Variants in DTNA observed in about 807,000 individuals in gnomAD.
DTNA encodes the protein dystrobrevin alpha, also known as dystrophin-related protein 3.
In DTNA, 43 loss-of-function variants were observed where a neutral mutation model predicts 100.7. The ratio of observed to expected loss-of-function variants is 0.43; its 90% CI spans 0.33 to 0.55. The LOEUF (loss-of-function observed/expected upper bound fraction) is 0.55, where lower values mean the gene tolerates loss of function less well. Ranked by LOEUF, DTNA falls within the 20% of genes least tolerant of loss-of-function variation. The pLI is 0.04. For synonymous variants in DTNA, 349 were observed against 347.9 expected (o/e 1.00, Z -0.04); for missense variants, 798 against 953.9 (o/e 0.84, Z 2.15).
intron 1 of DTNA, among the ~76,000 whole-genome samples, chr18:34,686,225 A>G (rs1450593402): frequency 6.6e-6 from 1 of 152,126 alleles, no homozygotes; most frequent in East Asian, 1.9e-4. Flanking sequence ...CTGGTTTTCA[A>G]AGGGAATGCT....
intron 1 of DTNA, among the ~76,000 whole-genome samples, chr18:34,716,277 G>T (rs1186849287): frequency 1.3e-5 from 2 of 152,118 alleles, no homozygotes; most frequent in African/African-American, 4.8e-5. Context: ...GCTGTAAGAA[G>T]TCGGCCGGGC....
intron 3 of DTNA, among the ~76,000 whole-genome samples, chr18:34,773,242 T>A (rs2148651363): frequency 6.6e-6 from 1 of 152,328 alleles, no homozygotes; most frequent in South Asian, 2.1e-4. Context: ...TGGATTCATG[T>A]TTGAATAACT....
At chr18:34,862,122 G>A (rs2096635670) in intron 16 of DTNA, among the ~76,000 whole-genome samples, 2 of 100,842 alleles carry the variant, frequency 2.0e-5, no homozygotes, top group African/African-American at 4.9e-5. Flanking sequence ...CACAGACAAG[G>A]TCAAAAAAAA....
At chr18:34,718,413 A>G (rs2084527269) in intron 1 of DTNA, among the ~76,000 whole-genome samples, 1 of 152,208 alleles carries the variant, frequency 6.6e-6, no homozygotes, top group Non-Finnish European at 1.5e-5. Context: ...ATCGTTTAGA[A>G]AGGTCAAAAA....
rs76087048 is a variant in DTNA at position 34,887,673 on chromosome 18, C to A, written c.*32-93C>A. ...TGTGTGTGTGCGCGCGCACTTTCTT[C>A]TATATTGGGGAAAGGGGGGATCCTA... On this transcript the variant is annotated intron_variant, in intron 22 of 22. Transcript: ENST00000444659. 159 of 956,408 alleles carry A rather than the reference C, an allele frequency of 1.7e-4. 1 individual carries two copies. The East Asian group carries it at 0.016, about 98-fold the overall frequency. 59.2% of individuals were successfully genotyped at this position (956,408 alleles called of 1,614,324 possible). A position where few individuals can be genotyped will look rare whatever the true frequency, so the allele number is the denominator to read the frequency against.
chr18:34,782,792 G>A (rs1056058305), intron 3 of DTNA, among the ~76,000 whole-genome samples: 6 of 152,330 alleles, frequency 3.9e-5, no homozygotes, highest in Admixed American at 1.3e-4. Flanking sequence ...TTCATGCTTA[G>A]CCTGTTGGGT....
At chr18:34,534,059 A>C (rs1036897871) in intron 1 of DTNA, among the ~76,000 whole-genome samples, 2 of 152,116 alleles carry the variant, frequency 1.3e-5, no homozygotes, top group Non-Finnish European at 2.9e-5. Context: ...TCAAAAATAC[A>C]TTCTTGGCTG....
At chr18:34,622,472 A>G (rs956296481) in intron 1 of DTNA, among the ~76,000 whole-genome samples, 5 of 152,190 alleles carry the variant, frequency 3.3e-5, no homozygotes, top group African/African-American at 1.2e-4. Context: ...GACCGGATTA[A>G]GGAATACATG....
chr18:34,606,862 G>T (rs1019554177), intron 1 of DTNA, among the ~76,000 whole-genome samples: 5 of 152,124 alleles, frequency 3.3e-5, no homozygotes, highest in Non-Finnish European at 7.4e-5. Context: ...GAAAGGCGAT[G>T]AATTTGGAGG....
At chr18:34,879,465 G>A (rs1261262235) in intron 19 of DTNA, 86 bp from the exon 20 acceptor site, 4 of 1,350,780 alleles carry the variant, frequency 3.0e-6, no homozygotes, top group African/African-American at 1.4e-5. Context: ...CACAGCACAG[G>A]TTGATTTGTG....
chr18:34,710,177 TG>T (rs1380985251), upstream of DTNA: 4 of 152,042 alleles, frequency 2.6e-5, no homozygotes, highest in East Asian at 7.7e-4. Context: ...TCAGGGTGGG[TG>T]GAGGGGAAAA....
At chr18:34,803,474 T>C (rs1346967759) in intron 4 of DTNA, among the ~76,000 whole-genome samples, 4 of 152,164 alleles carry the variant, frequency 2.6e-5, no homozygotes, top group Admixed American at 1.3e-4. Flanking sequence ...GAACTCTCTG[T>C]TCCAAAATCA....
rs2048826391 is a variant in DTNA at position 34,583,439 on chromosome 18, T to TA, written c.-2+89926dup. 2.0e-5 allele frequency among the ~76,000 whole-genome samples: 3 copies of TA among 152,140 alleles called. No individual in the cohort carries two copies. In the South Asian group the frequency reaches 6.2e-4, roughly 32 times the overall value. On this transcript the variant is annotated intron_variant, in intron 1 of 19. Transcript: ENST00000283365. ...GTGCTAAAGAGTGAAGGCAGAGAAT[T>TA]ACAATTAAAATGGTGGATGGGATAC...
chr18:34,854,059 G>A (rs972253602), intron 15 of DTNA, among the ~76,000 whole-genome samples: 2 of 152,144 alleles, frequency 1.3e-5, no homozygotes, highest in South Asian at 4.1e-4. Context: ...CAGGCAGAGG[G>A]CTCGAAGCAA....
intron 15 of DTNA, 37 bp downstream of exon 15, chr18:34,851,965 T>C (rs1055095164): frequency 8.8e-6 from 14 of 1,597,608 alleles, no homozygotes; most frequent in Non-Finnish European, 1.1e-5. Flanking sequence ...GTTTGATCAA[T>C]GTGCGCATTC....
intron 1 of DTNA, among the ~76,000 whole-genome samples, chr18:34,669,222 T>G (rs1384481840): frequency 6.6e-6 from 1 of 152,206 alleles, no homozygotes; most frequent in Non-Finnish European, 1.5e-5. Flanking sequence ...GTTTAAAGTC[T>G]GTTTTATCAG....
intron 1 of DTNA, chr18:34,679,696 A>G (rs1381563086): frequency 1.3e-5 from 2 of 152,174 alleles, no homozygotes; most frequent in Non-Finnish European, 2.9e-5. Flanking sequence ...AATATTATCA[A>G]TGCTGAGGTG....
chr18:34,821,509 C>A (rs2095716858), intron 9 of DTNA: 1 of 456,376 alleles, frequency 2.2e-6, no homozygotes, highest in African/African-American at 2.0e-5. Context: ...GTTGGGCCAA[C>A]AAACAGTCCT....
At chr18:34,860,025 A>G (rs1036349536) in intron 16 of DTNA, among the ~76,000 whole-genome samples, 2 of 151,044 alleles carry the variant, frequency 1.3e-5, no homozygotes, top group Non-Finnish European at 2.9e-5. Context: ...GAAGTATTAC[A>G]TTCTTTTCTT....
Sources: gnomAD v4.1 joint callset for allele counts (sites outside exome capture counted in the v4.1 genomes callset) on GRCh38, gnomAD v4.1.1 for gene constraint, MANE v1.5 for transcripts, NCBI Gene and HGNC (gene_info 2026-07-23, HGNC 2026-07-21) for gene names.